KHDRBS3: variants seen among roughly 807,000 people sequenced by gnomAD.
The protein encoded by KHDRBS3 is KH domain-containing, RNA-binding, signal transduction-associated protein 3.
KHDRBS3 carries 23 observed loss-of-function variants against 45.6 expected under a neutral mutation model. That is an observed-to-expected ratio of 0.50 (90% CI 0.36 to 0.72). KHDRBS3 has a LOEUF of 0.72. Among genes scored for constraint, KHDRBS3 ranks in the 30% least tolerant of loss-of-function variants. The pLI, the probability that KHDRBS3 is intolerant of heterozygous loss-of-function variation, is 0.00. For missense variants in KHDRBS3, 352 were observed against 424.8 expected, an observed-to-expected ratio of 0.83 and a Z score of 1.51; for synonymous variants, 162 against 156.5, an observed-to-expected ratio of 1.04 and a Z score of -0.26.
chr8:135,469,552 C>T (rs1371472454), intron 1 of KHDRBS3, among the ~76,000 whole-genome samples: 3 of 98,060 alleles, frequency 3.1e-5, no homozygotes, highest in South Asian at 3.6e-4. Context: ...TTTTTTGAGA[C>T]GAGTCTCGCT....
At chr8:135,536,726 C>T (rs1183936065) in intron 2 of KHDRBS3, among the ~76,000 whole-genome samples, 4 of 150,222 alleles carry the variant, frequency 2.7e-5, no homozygotes, top group South Asian at 2.1e-4. Flanking sequence ...TTTGGGAGGC[C>T]GAGGCGGGTG....
rs1394411099 is a variant in KHDRBS3, at chr8:135,624,612, A to AT, written c.890+17575_890+17576insT. 2.0e-5 allele frequency among the ~76,000 whole-genome samples: 3 copies of AT among 152,320 alleles called. No individual in the cohort carries two copies. In the South Asian group the frequency reaches 6.2e-4, roughly 32 times the overall value. ...TGACACCAAATGGCTTCATAGGGCA[A>AT]CTTTTTAGACCAAAGTCTAGGCCTG... is the stretch of plus-strand genomic sequence containing the variant. On this transcript the variant is annotated intron_variant, in intron 7 of 8. Transcript: ENST00000355849.
rs530790060 is a variant in KHDRBS3 at position 135,537,288 on chromosome 8, A to G, written c.208-5366A>G. ...GGTCAGTAAGATATCCCTTTATTAT[A>G]CTAATCAGCTTTTTGGTGAGCACTC... On this transcript the variant is annotated intron_variant, in intron 2 of 8. Coordinates refer to ENST00000355849, the MANE Select transcript of KHDRBS3 (RefSeq NM_006558.3). Among the ~76,000 whole-genome samples the G allele has an allele frequency of 5.9e-5, 9 of 152,258 alleles. No homozygotes were observed. In the South Asian group the frequency reaches 1.9e-3, roughly 32 times the overall value.
At chr8:135,625,286 CA>C in intron 7 of KHDRBS3, 5 of 1,334,480 alleles carry the variant, frequency 3.7e-6, no homozygotes, top group Non-Finnish European at 4.3e-6. Context: ...AATACAGGGT[CA>C]TTTTCCCCCT....
intron 2 of KHDRBS3, among the ~76,000 whole-genome samples, chr8:135,534,232 T>C (rs1384372086): frequency 3.3e-5 from 5 of 151,378 alleles, no homozygotes; most frequent in Non-Finnish European, 7.4e-5. Flanking sequence ...TTTTTTAACA[T>C]TTTTAGATAA....
intron 1 of KHDRBS3, among the ~76,000 whole-genome samples, chr8:135,511,359 G>C (rs1286013052): frequency 3.3e-5 from 5 of 152,092 alleles, no homozygotes; most frequent in Non-Finnish European, 5.9e-5. Flanking sequence ...AATTAGCCAT[G>C]ATGGGTAGAA....
intron 7 of KHDRBS3, among the ~76,000 whole-genome samples, chr8:135,613,959 T>C (rs1165385057): frequency 6.6e-6 from 1 of 151,752 alleles, no homozygotes; most frequent in Non-Finnish European, 1.5e-5. Flanking sequence ...AATTTTTTTC[T>C]TCCAATTTTC....
At chr8:135,485,086 A>G (rs1300290849) in intron 1 of KHDRBS3, among the ~76,000 whole-genome samples, 3 of 152,078 alleles carry the variant, frequency 2.0e-5, no homozygotes, top group South Asian at 2.1e-4. Flanking sequence ...CATCTCAATT[A>G]TCCTTCTTAC....
At chr8:135,508,597 G>A (rs945639059) in intron 1 of KHDRBS3, among the ~76,000 whole-genome samples, 1 of 152,134 alleles carries the variant, frequency 6.6e-6, no homozygotes, top group Admixed American at 6.5e-5. Flanking sequence ...ACCCATAGGT[G>A]TAAATAAAAA....
intron 1 of KHDRBS3, among the ~76,000 whole-genome samples, chr8:135,518,196 G>A (rs1485529385): frequency 1.3e-5 from 2 of 151,768 alleles, no homozygotes; most frequent in Non-Finnish European, 2.9e-5. Context: ...TTTTTGAGAC[G>A]GGGTCTTGCT....
At chr8:135,592,479 C>T (rs1240405497) in intron 6 of KHDRBS3, among the ~76,000 whole-genome samples, 7 of 152,118 alleles carry the variant, frequency 4.6e-5, no homozygotes, top group Admixed American at 4.6e-4. Context: ...AACTTGTGAA[C>T]CACTGGATTA....
chr8:135,476,108 A>G (rs1010698053), intron 1 of KHDRBS3, among the ~76,000 whole-genome samples: 2 of 151,962 alleles, frequency 1.3e-5, no homozygotes, highest in Non-Finnish European at 2.9e-5. Flanking sequence ...TAATTAATTG[A>G]CTTGACAAAT....
At chr8:135,488,311 T>C (rs2873420) in intron 1 of KHDRBS3, among the ~76,000 whole-genome samples, 83,855 of 152,072 alleles carry the variant, frequency 0.55, 24,249 homozygotes, top group East Asian at 0.78. Flanking sequence ...TGGGTTGTTA[T>C]TGCCAAATTA....
intron 7 of KHDRBS3, among the ~76,000 whole-genome samples, chr8:135,642,657 G>A (rs1831110927): frequency 6.6e-6 from 1 of 152,168 alleles, no homozygotes; most frequent in South Asian, 2.1e-4. Flanking sequence ...TTTATACAGA[G>A]AGCTCAAATC....
At chr8:135,613,424 G>A (rs1391818910) in intron 7 of KHDRBS3, among the ~76,000 whole-genome samples, 1 of 151,618 alleles carries the variant, frequency 6.6e-6, no homozygotes, top group East Asian at 1.9e-4. Context: ...TTAGAGGGCC[G>A]GCCTGAAGGC....
intron 6 of KHDRBS3, 54 bp downstream of exon 6, chr8:135,582,127 C>T (rs1304332084): frequency 1.4e-6 from 2 of 1,433,088 alleles, no homozygotes; most frequent in Non-Finnish European, 9.3e-7. Context: ...TTAATCCAGA[C>T]TTAGCACTGG....
At chr8:135,630,012 G>A (rs1218620640) in intron 7 of KHDRBS3, among the ~76,000 whole-genome samples, 1 of 152,222 alleles carries the variant, frequency 6.6e-6, no homozygotes, top group African/African-American at 2.4e-5. Context: ...GGTTTATGGT[G>A]GGAGTGAAGA....
chr8:135,566,340 G>A (rs1171415626), intron 5 of KHDRBS3, among the ~76,000 whole-genome samples: 2 of 152,118 alleles, frequency 1.3e-5, no homozygotes, highest in Non-Finnish European at 2.9e-5. Context: ...CGTTAAAGTC[G>A]AAGTTCTTCA....
At chr8:135,532,740 A>T (rs1008805363) in intron 2 of KHDRBS3, among the ~76,000 whole-genome samples, 1 of 152,170 alleles carries the variant, frequency 6.6e-6, no homozygotes, top group Non-Finnish European at 1.5e-5. Context: ...CTTGAATCCT[A>T]GAAGTCTGAC....
Sources: gnomAD v4.1 joint callset for allele counts (sites outside exome capture counted in the v4.1 genomes callset) on GRCh38, gnomAD v4.1.1 for gene constraint, MANE v1.5 for transcripts, NCBI Gene and HGNC (gene_info 2026-07-23, HGNC 2026-07-21) for gene names.